Variants in NCKAP5 observed in about 807,000 individuals in gnomAD.
The protein encoded by NCKAP5 is nck-associated protein 5.
Under a neutral mutation model 167.0 loss-of-function variants are expected in NCKAP5, and 92 were observed. The ratio of observed to expected loss-of-function variants is 0.55; its 90% confidence interval spans 0.47 to 0.66. The LOEUF (loss-of-function observed/expected upper bound fraction) is 0.66. NCKAP5 is among the 30% of genes least tolerant of loss of function. NCKAP5 has a pLI of 0.00. For synonymous variants in NCKAP5, 891 were observed against 877.4 expected (o/e 1.02, Z -0.27); for missense variants, 2,378 against 2,315.0 (o/e 1.03, Z -0.56).
At chr2:132,934,721 T>G (rs1329860596) in intron 8 of NCKAP5, among the ~76,000 whole-genome samples, 1 of 152,214 alleles carries the variant, frequency 6.6e-6, no homozygotes, top group Non-Finnish European at 1.5e-5. Flanking sequence ...GAAAGACCTA[T>G]TTGGTGCCAG....
chr2:133,360,220 A>G (rs183433719), intron 3 of NCKAP5, among the ~76,000 whole-genome samples: 86 of 152,350 alleles, frequency 5.6e-4, no homozygotes, highest in Non-Finnish European at 5.1e-4. Flanking sequence ...CCAAGCAGGC[A>G]GAAGAGAATT....
intron 16 of NCKAP5, among the ~76,000 whole-genome samples, chr2:132,755,830 C>CA (rs113836542): frequency 0.24 from 32,494 of 137,478 alleles, 5,419 homozygotes; most frequent in East Asian, 0.63. Context: ...GATTCTGTCT[C>CA]AGAAAAAAAA....
chr2:133,137,406 T>TTGTGTGTGTG (rs58955655), intron 5 of NCKAP5, among the ~76,000 whole-genome samples: 1,487 of 136,256 alleles, frequency 0.011, 13 homozygotes, highest in African/African-American at 0.014. Flanking sequence ...GAGCTTGGTT[T>TTGTGTGTGTG]TGTGTGTGTG....
Position 133,216,531 on chromosome 2 carries a change from T to C in NCKAP5, c.144-2752A>G, listed in dbSNP as rs142806366. Among the ~76,000 whole-genome samples the C allele has an allele frequency of 6.9e-4, 105 of 152,272 alleles. No individual in the cohort carries two copies. In the East Asian group the frequency reaches 0.018, roughly 26 times the overall value. ...GGCAGGAAGTGACAATTATTCATGC[T>C]AGTAAAAACAAAGTTATTCTAGAAA... On this transcript the variant is annotated intron_variant, in intron 4 of 19. Coordinates refer to ENST00000409261, the MANE Select transcript of NCKAP5 (RefSeq NM_207363.3).
At chr2:133,364,438 T>A (rs1272086063) in intron 3 of NCKAP5, among the ~76,000 whole-genome samples, 1 of 152,190 alleles carries the variant, frequency 6.6e-6, no homozygotes, top group Non-Finnish European at 1.5e-5. Context: ...GAATTCTCTT[T>A]ATATCTCCCA....
intron 17 of NCKAP5, among the ~76,000 whole-genome samples, chr2:132,729,671 G>C (rs1369374949): frequency 6.6e-6 from 1 of 152,260 alleles, no homozygotes; most frequent in South Asian, 2.1e-4. Context: ...AATTAGCAGA[G>C]AACAATTAAA....
intron 11 of NCKAP5, among the ~76,000 whole-genome samples, chr2:132,827,084 T>C (rs1268413225): frequency 6.6e-6 from 1 of 152,176 alleles, no homozygotes; most frequent in Non-Finnish European, 1.5e-5. Context: ...ATGTCATGAG[T>C]GTCTGTCATT....
At chr2:132,965,476 G>A (rs2076631837) in intron 7 of NCKAP5, among the ~76,000 whole-genome samples, 1 of 152,150 alleles carries the variant, frequency 6.6e-6, no homozygotes, top group Non-Finnish European at 1.5e-5. Flanking sequence ...AACTTAGGTT[G>A]ATGAAGCAAG....
In NCKAP5 at chr2:132,677,448, C is replaced by G. The variant is rs979610876; in HGVS notation, c.5714-4143G>C. 2.6e-5 allele frequency among the ~76,000 whole-genome samples: 4 copies of G among 152,220 alleles called. No individual in the cohort carries two copies. In the South Asian group the frequency reaches 8.3e-4, roughly 32 times the overall value. On this transcript the variant is annotated intron_variant, in intron 19 of 19. Transcript: ENST00000409261. ...AATTCCTTGTAGTCAAGCAGTCATT[C>G]AATCAAACTAATCTACTATGTGACC...
At chr2:133,160,580 C>T (rs1207441263) in intron 5 of NCKAP5, among the ~76,000 whole-genome samples, 2 of 151,836 alleles carry the variant, frequency 1.3e-5, no homozygotes, top group Non-Finnish European at 2.9e-5. Context: ...GATTTACAAT[C>T]CAACCCATAA....
Position 132,758,699 on chromosome 2 carries a change from C to T in NCKAP5, c.5128+15117G>A, listed in dbSNP as rs143774722. ...CCTCTTGGCATCTCTCTTGTGATGC[C>T]AAAGAGCTGCTCCAAAGGTAGACAG... On this transcript the variant is annotated intron_variant, in intron 16 of 19. Transcript: ENST00000409261. Among the ~76,000 whole-genome samples, 243 of 152,062 alleles carry T rather than the reference C, an allele frequency of 1.6e-3. 1 individual carries two copies. Among genetic ancestry groups the T allele is most frequent in the African/African-American group, 5.5e-3 (226 of 41,450 alleles).
the NCKAP5 span, among the ~76,000 whole-genome samples, chr2:133,603,282 G>A: frequency 6.1e-5 from 9 of 147,194 alleles, no homozygotes; most frequent in East Asian, 4.0e-4. Flanking sequence ...GCTGAAGTGC[G>A]ATGGCGCAAT....
intron 3 of NCKAP5, among the ~76,000 whole-genome samples, chr2:133,424,573 G>A (rs1426166134): frequency 2.6e-5 from 4 of 152,170 alleles, no homozygotes; most frequent in African/African-American, 4.8e-5. Flanking sequence ...TTTTCATTAA[G>A]TATAGAGATT....
intron 12 of NCKAP5, among the ~76,000 whole-genome samples, chr2:132,795,393 T>C (rs147281700): frequency 4.3e-4 from 65 of 152,372 alleles, no homozygotes; most frequent in African/African-American, 1.6e-3. Flanking sequence ...AAATACAACC[T>C]GTCTTCTGCA....
chr2:133,124,273 C>G (rs1574100230), intron 6 of NCKAP5, among the ~76,000 whole-genome samples: 1 of 152,082 alleles, frequency 6.6e-6, no homozygotes, highest in Admixed American at 6.6e-5. Flanking sequence ...AATTATTCCC[C>G]CTTATTTAGA....
intron 4 of NCKAP5, among the ~76,000 whole-genome samples, chr2:133,275,257 G>A (rs993707596): frequency 2.0e-5 from 3 of 152,000 alleles, no homozygotes; most frequent in African/African-American, 7.2e-5. Context: ...ATTACACTAT[G>A]TGTTGGTGAG....
chr2:132,905,846 T>C (rs1222295960), intron 8 of NCKAP5, among the ~76,000 whole-genome samples: 2 of 152,154 alleles, frequency 1.3e-5, no homozygotes, highest in Admixed American at 6.5e-5. Flanking sequence ...CTCAGGTTCA[T>C]AGTATATACT....
intron 3 of NCKAP5, among the ~76,000 whole-genome samples, chr2:133,492,222 A>G (rs1184850910): frequency 6.6e-6 from 1 of 150,770 alleles, no homozygotes; most frequent in Admixed American, 6.6e-5. Context: ...CGGGCTTTGG[A>G]GTCAAGAAAG....
At chr2:132,976,563 CAAA>C (rs1169178217) in intron 7 of NCKAP5, among the ~76,000 whole-genome samples, 2 of 51,834 alleles carry the variant, frequency 3.9e-5, no homozygotes, top group Admixed American at 2.2e-4. Flanking sequence ...GACTCCATCT[CAAA>C]AAAAAAAAAA....
Sources: gnomAD v4.1 joint callset for allele counts (sites outside exome capture counted in the v4.1 genomes callset) on GRCh38, gnomAD v4.1.1 for gene constraint, MANE v1.5 for transcripts, NCBI Gene and HGNC (gene_info 2026-07-23, HGNC 2026-07-21) for gene names.